The following RBFOX1 variants were observed in gnomAD, a reference collection of about 807,000 sequenced individuals.
RBFOX1 encodes the protein RNA binding fox-1 homolog 1.
A neutral mutation model predicts 57.7 loss-of-function variants in RBFOX1; 8 were observed. The ratio of observed to expected loss-of-function variants is 0.14; its 90% confidence interval spans 0.08 to 0.25. The LOEUF (loss-of-function observed/expected upper bound fraction) is 0.25. Among genes scored for constraint, RBFOX1 ranks in the 10% least tolerant of loss-of-function variants. The probability of loss-of-function intolerance (pLI) is 1.00; values close to 1 mark genes in which losing one functional copy is unlikely to be tolerated. For missense variants in RBFOX1, 611 were observed against 548.5 expected, an observed-to-expected ratio of 1.11 and a Z score of -1.14; for synonymous variants, 326 against 222.4, an observed-to-expected ratio of 1.47 and a Z score of -4.15.
intron 2 of RBFOX1, among the ~76,000 whole-genome samples, chr16:5,559,103 T>G (rs549928521): frequency 2.7e-4 from 40 of 147,044 alleles, no homozygotes; most frequent in South Asian, 2.6e-3. Flanking sequence ...ATGTGATCAG[T>G]TTTTGTCTTG....
intron 4 of RBFOX1, among the ~76,000 whole-genome samples, chr16:7,197,296 A>C (rs58998740): frequency 0.098 from 14,972 of 152,212 alleles, 803 homozygotes; most frequent in Non-Finnish European, 0.11. Context: ...GTCGTGGTTG[A>C]AGCAGGAAGC....
intron 1 of RBFOX1, among the ~76,000 whole-genome samples, chr16:6,024,243 C>G (rs2095142187): frequency 6.6e-6 from 1 of 152,142 alleles, no homozygotes; most frequent in South Asian, 2.1e-4. Context: ...AGACCCTGTG[C>G]TTGGTGAATA....
chr16:5,656,799 T>A (rs947269779), intron 3 of RBFOX1, among the ~76,000 whole-genome samples: 1 of 152,138 alleles, frequency 6.6e-6, no homozygotes, highest in Non-Finnish European at 1.5e-5. Flanking sequence ...CAGTCTATCA[T>A]TGATGGGCGT....
At position 5,283,790 on chromosome 16, in the gene RBFOX1, G is replaced by C. The variant is rs573231067; in HGVS notation, c.219+43685G>C. ...GATTTTACATGCTCATAGGCGGAAGGGATTTGCCTTGTGTCACATGAGACT... is the reference window on the plus strand; with the variant it reads ...GATTTTACATGCTCATAGGCGGAAGCGATTTGCCTTGTGTCACATGAGACT... On this transcript the variant is annotated intron_variant, in intron 1 of 2. Coordinates refer to the RBFOX1 transcript ENST00000585867. Among the ~76,000 whole-genome samples the C allele has an allele frequency of 6.6e-5, 10 of 152,288 alleles. No individual in the cohort carries two copies. The South Asian group carries it at 1.9e-3, about 28-fold the overall frequency.
At chr16:7,685,329 C>T (rs751438003) in intron 14 of RBFOX1, among the ~76,000 whole-genome samples, 1 of 152,152 alleles carries the variant, frequency 6.6e-6, no homozygotes, top group African/African-American at 2.4e-5. Context: ...AGAGTAAGAA[C>T]TATCAACAGC....
upstream of RBFOX1, among the ~76,000 whole-genome samples, chr16:6,017,244 A>G (rs1028190351): frequency 7.9e-5 from 12 of 152,338 alleles, no homozygotes; most frequent in East Asian, 9.6e-4. Context: ...AGAATAGACA[A>G]ACAATTCCTG....
intron 4 of RBFOX1, among the ~76,000 whole-genome samples, chr16:7,287,179 C>A (rs899297617): frequency 8.5e-5 from 13 of 152,142 alleles, no homozygotes; most frequent in Admixed American, 6.6e-5. Context: ...TCTCATTTGC[C>A]TGAGGAAAGT....
At chr16:6,565,193 A>C (rs934321532) in intron 2 of RBFOX1, among the ~76,000 whole-genome samples, 1 of 150,836 alleles carries the variant, frequency 6.6e-6, no homozygotes, top group Non-Finnish European at 1.5e-5. Context: ...AATACTACTC[A>C]TTGTAGAAAA....
chr16:6,655,373 CAAAAAAAAAAAAAAA>C (rs71406388), intron 3 of RBFOX1, among the ~76,000 whole-genome samples: 4,312 of 33,850 alleles, frequency 0.13, 213 homozygotes, highest in Middle Eastern at 0.25. Flanking sequence ...GCCTCCGTTT[CAAAAAAAAAAAAAAA>C]AAAAAAAAAA....
chr16:5,686,937 C>A (rs559435878), intron 3 of RBFOX1, among the ~76,000 whole-genome samples: 22 of 152,208 alleles, frequency 1.4e-4, no homozygotes, highest in African/African-American at 5.3e-4. Context: ...GCTTCGAATA[C>A]TTCATCTTTG....
chr16:7,037,674 C>G (rs1486580265), intron 3 of RBFOX1, among the ~76,000 whole-genome samples: 2 of 152,154 alleles, frequency 1.3e-5, no homozygotes, highest in East Asian at 1.9e-4. Context: ...TTAACTCATT[C>G]AAATCATGTG....
At chr16:6,180,321 G>C (rs1258549370) in intron 1 of RBFOX1, among the ~76,000 whole-genome samples, 2 of 151,972 alleles carry the variant, frequency 1.3e-5, no homozygotes, top group East Asian at 3.9e-4. Context: ...GGCTTATTCA[G>C]ATTTTCTATT....
At chr16:6,666,801 TA>T (rs2098735950) in intron 3 of RBFOX1, among the ~76,000 whole-genome samples, 1 of 152,144 alleles carries the variant, frequency 6.6e-6, no homozygotes. Context: ...TGGCCACTGC[TA>T]AATGTCATCC....
intron 1 of RBFOX1, among the ~76,000 whole-genome samples, chr16:6,124,245 T>C (rs1296300733): frequency 6.6e-6 from 1 of 152,176 alleles, no homozygotes; most frequent in East Asian, 1.9e-4. Context: ...TCTCCTTTGC[T>C]ACCCAGCTCC....
intron 4 of RBFOX1, among the ~76,000 whole-genome samples, chr16:7,217,633 A>G (rs1198893702): frequency 6.6e-6 from 1 of 151,972 alleles, no homozygotes; most frequent in Non-Finnish European, 1.5e-5. Flanking sequence ...TTGGCTTGAA[A>G]AGGAAAAAAA....
chr16:6,490,172 C>G (rs944976064), intron 2 of RBFOX1, among the ~76,000 whole-genome samples: 1 of 151,956 alleles, frequency 6.6e-6, no homozygotes, highest in Admixed American at 6.6e-5. Context: ...ATAGCAAATG[C>G]TATGAAAAGA....
intron 4 of RBFOX1, among the ~76,000 whole-genome samples, chr16:7,207,818 C>A (rs117568309): frequency 6.6e-6 from 1 of 152,260 alleles, no homozygotes; most frequent in Non-Finnish European, 1.5e-5. Context: ...AACGAGCAGG[C>A]CACCATCTAT....
chr16:7,319,372 C>T (rs750237890), intron 4 of RBFOX1, among the ~76,000 whole-genome samples: 2 of 152,088 alleles, frequency 1.3e-5, no homozygotes, highest in Non-Finnish European at 2.9e-5. Context: ...AGTGCCTAAC[C>T]AGCTCAATAA....
chr16:5,450,494 G>A (rs888832187), intron 1 of RBFOX1, among the ~76,000 whole-genome samples: 4 of 152,298 alleles, frequency 2.6e-5, no homozygotes, highest in Admixed American at 6.5e-5. Context: ...GGGGAGCTGC[G>A]TGTGGGGCGG....
Sources: allele counts gnomAD v4.1 joint callset (sites outside exome capture counted in the v4.1 genomes callset), GRCh38; gene constraint gnomAD v4.1.1; transcripts MANE v1.5; gene names NCBI Gene and HGNC (gene_info 2026-07-23, HGNC 2026-07-21).